Variants in PPM1L observed in about 807,000 individuals in gnomAD.
PPM1L encodes protein phosphatase, Mg2+/Mn2+ dependent 1L.
PPM1L carries 13 observed loss-of-function variants against 31.4 expected under a neutral mutation model. That is an observed-to-expected ratio of 0.41 (90% CI 0.27 to 0.66). The LOEUF (loss-of-function observed/expected upper bound fraction) is 0.66. PPM1L is among the 30% of genes least tolerant of loss of function. The pLI is 0.29. For synonymous variants in PPM1L, 184 were observed against 175.4 expected (o/e 1.05, Z -0.39); for missense variants, 326 against 453.7 (o/e 0.72, Z 2.56).
chr3:160,964,960 G>A (rs1484631671), intron 2 of PPM1L, among the ~76,000 whole-genome samples: 1 of 152,022 alleles, frequency 6.6e-6, no homozygotes, highest in East Asian at 1.9e-4. Flanking sequence ...ATAGAAAATT[G>A]GTAGTAGTAG....
At chr3:160,911,363 A>G (rs140097204) in intron 1 of PPM1L, among the ~76,000 whole-genome samples, 1,726 of 152,292 alleles carry the variant, frequency 0.011, 16 homozygotes, top group Non-Finnish European at 0.019. Context: ...ATCCTCAACC[A>G]TAGCTGTCTA....
intron 1 of PPM1L, among the ~76,000 whole-genome samples, chr3:160,952,652 T>TATTTA (rs969965959): frequency 6.6e-6 from 1 of 152,248 alleles, no homozygotes; most frequent in Non-Finnish European, 1.5e-5. Context: ...TCTAGCATCT[T>TATTTA]ATTTAATGAT....
intron 2 of PPM1L, among the ~76,000 whole-genome samples, chr3:161,044,134 G>A (rs59593286): frequency 0.055 from 8,346 of 152,066 alleles, 568 homozygotes; most frequent in African/African-American, 0.15. Context: ...CTGCCTCCTG[G>A]GTTCAAGCAA....
chr3:160,969,295 T>C (rs1716247750), intron 2 of PPM1L, among the ~76,000 whole-genome samples: 1 of 152,236 alleles, frequency 6.6e-6, no homozygotes. Context: ...TCTAAGCAGC[T>C]TAGGAAGTAG....
chr3:161,012,875 A>T (rs1345323103), intron 2 of PPM1L, among the ~76,000 whole-genome samples: 1 of 151,936 alleles, frequency 6.6e-6, no homozygotes, highest in Non-Finnish European at 1.5e-5. Flanking sequence ...CCCCTTTATC[A>T]TTTTTTATTG....
intron 1 of PPM1L, among the ~76,000 whole-genome samples, chr3:160,883,514 C>T (rs1025671096): frequency 9.9e-5 from 15 of 152,034 alleles, no homozygotes; most frequent in Non-Finnish European, 2.2e-4. Flanking sequence ...TCCCAGAATA[C>T]ACTTTGAGAA....
At chr3:161,057,824 C>T (rs759066952) in intron 2 of PPM1L, among the ~76,000 whole-genome samples, 1 of 152,058 alleles carries the variant, frequency 6.6e-6, no homozygotes, top group Non-Finnish European at 1.5e-5. Flanking sequence ...GTCAGTTTCA[C>T]TTGTCATCAT....
intron 1 of PPM1L, among the ~76,000 whole-genome samples, chr3:160,805,301 A>G (rs1712563252): frequency 6.6e-6 from 1 of 152,156 alleles, no homozygotes; most frequent in African/African-American, 2.4e-5. Context: ...ATTAAATTTG[A>G]GAAGTGAAAA....
At chr3:160,790,952 A>G in intron 1 of PPM1L, among the ~76,000 whole-genome samples, 1 of 152,126 alleles carries the variant, frequency 6.6e-6, no homozygotes, top group Non-Finnish European at 1.5e-5. Context: ...TTCAGGTTGT[A>G]TTTGTACAGT....
intron 2 of PPM1L, among the ~76,000 whole-genome samples, chr3:160,985,539 T>C (rs1716935748): frequency 6.6e-6 from 1 of 152,218 alleles, no homozygotes. Context: ...CATTCCCATA[T>C]TGGAAGTTTG....
chr3:160,813,692 A>G (rs764503316), intron 1 of PPM1L, among the ~76,000 whole-genome samples: 2 of 152,220 alleles, frequency 1.3e-5, no homozygotes, highest in Non-Finnish European at 2.9e-5. Context: ...ATGTTCTGTG[A>G]ACACTAATAA....
intron 1 of PPM1L, among the ~76,000 whole-genome samples, chr3:160,948,827 T>C (rs1324832354): frequency 6.6e-6 from 1 of 152,160 alleles, no homozygotes; most frequent in East Asian, 1.9e-4. Flanking sequence ...CTTGGGGGAC[T>C]CTTCTTGTGG....
At chr3:160,902,582 T>C (rs1263712296) in intron 1 of PPM1L, among the ~76,000 whole-genome samples, 1 of 152,208 alleles carries the variant, frequency 6.6e-6, no homozygotes, top group African/African-American at 2.4e-5. Context: ...ATATGAGCTG[T>C]ACTTATGTAT....
intron 1 of PPM1L, among the ~76,000 whole-genome samples, chr3:160,842,577 T>C (rs1314311107): frequency 6.6e-6 from 1 of 152,210 alleles, no homozygotes; most frequent in Non-Finnish European, 1.5e-5. Context: ...AAGAACTGTA[T>C]GCAAGCTCTG....
At chr3:161,004,754 G>C (rs1230177044) in intron 2 of PPM1L, among the ~76,000 whole-genome samples, 1 of 150,098 alleles carries the variant, frequency 6.7e-6, no homozygotes, top group Non-Finnish European at 1.5e-5. Context: ...AGTCTTGCTA[G>C]CGGTCTATCA....
At chr3:160,770,852 AG>A (rs1715233555) in intron 1 of PPM1L, among the ~76,000 whole-genome samples, 1 of 152,090 alleles carries the variant, frequency 6.6e-6, no homozygotes, top group Non-Finnish European at 1.5e-5. Context: ...TCCTTGCCCT[AG>A]TTTCTACTAT....
chr3:161,067,175 G>A (rs1719764848), intron 3 of PPM1L, among the ~76,000 whole-genome samples: 1 of 152,150 alleles, frequency 6.6e-6, no homozygotes, highest in Admixed American at 6.6e-5. Flanking sequence ...TTACCATTCA[G>A]TGCTCTCTTT....
chr3:160,839,093 G>C (rs1361014552), intron 1 of PPM1L, among the ~76,000 whole-genome samples: 1 of 152,136 alleles, frequency 6.6e-6, no homozygotes, highest in African/African-American at 2.4e-5. Flanking sequence ...TGGCAAGAAG[G>C]CCCTCACCAG....
At chr3:160,798,006 C>T (rs1092248) in intron 1 of PPM1L, among the ~76,000 whole-genome samples, 3 of 152,038 alleles carry the variant, frequency 2.0e-5, no homozygotes, top group South Asian at 2.1e-4. Context: ...GGTGAAACCC[C>T]GTCTCTACTA....
Sources: gnomAD v4.1 joint callset for allele counts (sites outside exome capture counted in the v4.1 genomes callset) on GRCh38, gnomAD v4.1.1 for gene constraint, MANE v1.5 for transcripts, NCBI Gene and HGNC (gene_info 2026-07-23, HGNC 2026-07-21) for gene names.